AKAP13: variants seen among roughly 807,000 people sequenced by gnomAD.
AKAP13 encodes the protein A-kinase anchoring protein 13.
AKAP13 carries 80 observed loss-of-function variants against 264.5 expected under a neutral mutation model. The observed-to-expected ratio is 0.30, with a 90% confidence interval of 0.25 to 0.36. The LOEUF (loss-of-function observed/expected upper bound fraction) is 0.36, where lower values mean the gene tolerates loss of function less well. Ranked by LOEUF, AKAP13 falls within the 10% of genes least tolerant of loss-of-function variation. The probability of loss-of-function intolerance (pLI) is 1.00; values close to 1 mark genes in which losing one functional copy is unlikely to be tolerated. For synonymous variants in AKAP13, 1,380 were observed against 1,250.2 expected (o/e 1.10, Z -2.19); for missense variants, 3,712 against 3,435.2 (o/e 1.08, Z -2.01).
chr15:85,399,176 A>G (rs1451998042), intron 1 of AKAP13, among the ~76,000 whole-genome samples: 1 of 152,184 alleles, frequency 6.6e-6, no homozygotes, highest in Admixed American at 6.5e-5. Context: ...CTATTTCCCC[A>G]TAACTTTTAG....
intron 3 of AKAP13, among the ~76,000 whole-genome samples, chr15:85,523,500 C>T (rs559477309): frequency 6.6e-6 from 1 of 152,172 alleles, no homozygotes; most frequent in Non-Finnish European, 1.5e-5. Context: ...ACACAGCTGC[C>T]TCCTCTCCAC....
In AKAP13 at chr15:85,567,941, G is replaced by GGTGTGTGTGTGTGT. The variant is rs57049395; in HGVS notation, c.663-7163_663-7150dup. Among the ~76,000 whole-genome samples, 920 of 141,910 alleles carry GGTGTGTGTGTGTGT rather than the reference G, an allele frequency of 6.5e-3. 1 individual carries two copies. The highest frequency in any genetic ancestry group is 9.1e-3 in the Non-Finnish European group (598 of 65,598). The allele number at this position is 141,910 out of a possible 152,430, so 93.1% of individuals were successfully genotyped here. On this transcript the variant is annotated intron_variant, in intron 5 of 36. Coordinates refer to ENST00000394518, the MANE Select transcript of AKAP13 (RefSeq NM_007200.5). ...AAATACCTATTAAATAGCCCAAAGA[G>GGTGTGTGTGTGTGT]GTGTGTGTGTGTGTGTGTGTGTGTG...
At chr15:85,610,379 A>T (rs772717763) in intron 8 of AKAP13, among the ~76,000 whole-genome samples, 1 of 152,190 alleles carries the variant, frequency 6.6e-6, no homozygotes, top group African/African-American at 2.4e-5. Flanking sequence ...ACCTTTGTTC[A>T]TATTCCTGAC....
intron 1 of AKAP13, among the ~76,000 whole-genome samples, chr15:85,382,410 C>G (rs1232535380): frequency 6.6e-6 from 1 of 152,108 alleles, no homozygotes; most frequent in Non-Finnish European, 1.5e-5. Flanking sequence ...AGCCATTGCA[C>G]TTTTAAATTA....
chr15:85,505,088 C>G (rs1057235532), intron 2 of AKAP13, among the ~76,000 whole-genome samples: 2 of 152,214 alleles, frequency 1.3e-5, no homozygotes, highest in Admixed American at 6.5e-5. Context: ...AGAACTTACA[C>G]TCTTACAATT....
chr15:85,744,515 C>T, intron 36 of AKAP13, 113 bp from the exon 37 acceptor site: 3 of 1,129,160 alleles, frequency 2.7e-6, no homozygotes, highest in Non-Finnish European at 4.0e-6. Flanking sequence ...AGTTAATTGC[C>T]CATAAGCCCC....
intron 3 of AKAP13, among the ~76,000 whole-genome samples, chr15:85,531,202 C>T (rs1008418440): frequency 6.6e-6 from 1 of 152,168 alleles, no homozygotes; most frequent in Non-Finnish European, 1.5e-5. Context: ...AATCTTCCTG[C>T]TTTTGCCCAC....
intron 7 of AKAP13, among the ~76,000 whole-genome samples, chr15:85,584,725 A>G (rs2079268694): frequency 6.6e-6 from 1 of 152,200 alleles, no homozygotes; most frequent in African/African-American, 2.4e-5. Flanking sequence ...TGCTCCTAGA[A>G]TAAAATCTTA....
chr15:85,387,208 C>T (rs932406797), intron 1 of AKAP13, among the ~76,000 whole-genome samples: 3 of 151,790 alleles, frequency 2.0e-5, no homozygotes. Flanking sequence ...TGGTGGTGGG[C>T]GCCTGTAATC....
chr15:85,637,349 A>C (rs56396144), intron 8 of AKAP13, among the ~76,000 whole-genome samples: 1 of 152,124 alleles, frequency 6.6e-6, no homozygotes, highest in Non-Finnish European at 1.5e-5. Context: ...TAGATTATCT[A>C]TGTTTTCTTG....
intron 4 of AKAP13, among the ~76,000 whole-genome samples, chr15:85,541,895 CAG>C (rs1432877241): frequency 1.3e-5 from 2 of 152,320 alleles, no homozygotes; most frequent in East Asian, 3.9e-4. Flanking sequence ...GTGCAGAAGT[CAG>C]GGCATCAGCT....
In AKAP13 at chr15:85,723,143, A is replaced by G. The variant is rs2087400209; in HGVS notation, c.6568A>G (p.Ser2190Gly). The G allele has an allele frequency of 6.2e-7, 1 of 1,614,220 alleles. No individual in the cohort carries two copies. Among genetic ancestry groups the G allele is most frequent in the Non-Finnish European group, 8.5e-7 (1 of 1,180,026 alleles). ...LVKDVIGAVDSKVASYEKKVR... is the reference protein window; with the variant it reads ...LVKDVIGAVDGKVASYEKKVR... ...GAAGGATGTGATTGGAGCTGTAGAC[A>G]GCAAAGTGGCAAGTTATGAAAAGAA... Residue 2190 changes from serine (S) to glycine (G), a missense_variant, in exon 26 of 37, where the codon AGC becomes GGC. Physicochemically the swap from Ser to Gly is moderately conservative, Grantham distance 56. Coordinates refer to ENST00000394518, the MANE Select transcript of AKAP13 (RefSeq NM_007200.5).
At chr15:85,523,538 G>A (rs2076908159) in intron 3 of AKAP13, among the ~76,000 whole-genome samples, 1 of 151,950 alleles carries the variant, frequency 6.6e-6, no homozygotes, top group Non-Finnish European at 1.5e-5. Context: ...CCTGCTTTAT[G>A]TTTCTCCATT....
chr15:85,608,382 A>T (rs750262767), intron 8 of AKAP13, among the ~76,000 whole-genome samples: 5 of 152,234 alleles, frequency 3.3e-5, no homozygotes, highest in African/African-American at 1.2e-4. Context: ...AAACGAAGAC[A>T]TTATTAGTTA....
chr15:85,658,516 C>G (rs1394073986), intron 11 of AKAP13, 21 bp from the exon 12 acceptor site: 1 of 1,613,002 alleles, frequency 6.2e-7, no homozygotes, highest in African/African-American at 1.3e-5. Context: ...CAACACTGAC[C>G]TCTTCACCAT....
At chr15:85,688,266 G>T (rs1488786184) in intron 16 of AKAP13, among the ~76,000 whole-genome samples, 2 of 152,036 alleles carry the variant, frequency 1.3e-5, no homozygotes, top group African/African-American at 4.8e-5. Context: ...TCTCCATAAT[G>T]TTAACAAATT....
chr15:85,719,758 A>C (rs990790168), intron 23 of AKAP13, among the ~76,000 whole-genome samples: 2 of 151,924 alleles, frequency 1.3e-5, no homozygotes, highest in African/African-American at 4.8e-5. Context: ...AACATGATAA[A>C]ACCCTGTCTC....
chr15:85,390,478 G>A lies in AKAP13; in HGVS notation c.-12+9680G>A, dbSNP rs74024822. Among the ~76,000 whole-genome samples the A allele has an allele frequency of 7.5e-3, 1,135 of 152,252 alleles. 15 individuals carry two copies. Among genetic ancestry groups the A allele is most frequent in the African/African-American group, 0.024 (993 of 41,546 alleles). ...GTGGCTGGAATGGGTGAGAAAGAGC[G>A]TGAGGAGATAAGGTTTGTATGTGTA... On this transcript the variant is annotated intron_variant, in intron 1 of 36. Coordinates refer to ENST00000394518, the MANE Select transcript of AKAP13 (RefSeq NM_007200.5).
intron 1 of AKAP13, among the ~76,000 whole-genome samples, chr15:85,420,423 T>C (rs896421746): frequency 6.6e-6 from 1 of 152,116 alleles, no homozygotes; most frequent in African/African-American, 2.4e-5. Flanking sequence ...ATCTTTGGAG[T>C]TGATTTCTTA....
Sources: gnomAD v4.1 joint callset for allele counts (sites outside exome capture counted in the v4.1 genomes callset) on GRCh38, gnomAD v4.1.1 for gene constraint, MANE v1.5 for transcripts, NCBI Gene and HGNC (gene_info 2026-07-23, HGNC 2026-07-21) for gene names.